Variants in TMTC4 observed in about 807,000 individuals in gnomAD.
TMTC4 encodes the protein transmembrane O-mannosyltransferase targeting cadherins 4, also known as protein O-mannosyl-transferase TMTC4.
In TMTC4, 65 loss-of-function variants were observed where a neutral mutation model predicts 86.0. The ratio of observed to expected loss-of-function variants is 0.76; its 90% CI spans 0.62 to 0.93. The LOEUF (loss-of-function observed/expected upper bound fraction) is 0.93, where lower values mean the gene tolerates loss of function less well. Ranked by LOEUF, TMTC4 falls within the 40% of genes least tolerant of loss-of-function variation. TMTC4 has a pLI of 0.00. For synonymous variants in TMTC4, 379 were observed against 382.5 expected, an observed-to-expected ratio of 0.99 and a Z score of 0.11; for missense variants, 866 against 948.1, an observed-to-expected ratio of 0.91 and a Z score of 1.14.
chr13:100,614,939 G>A (rs1398613610), intron 15 of TMTC4: 1 of 985,198 alleles, frequency 1.0e-6, no homozygotes, highest in Non-Finnish European at 1.2e-6. Flanking sequence ...CTTGTGAAGG[G>A]TGGTCTCAGG....
chr13:100,624,416 A>T (rs1206826448), intron 15 of TMTC4: 1 of 153,524 alleles, frequency 6.5e-6, no homozygotes, highest in African/African-American at 2.4e-5. Context: ...CACCGTGGCC[A>T]TGCCATTGGG....
At chr13:100,665,996 C>T (rs909253688) in intron 3 of TMTC4, 19 of 456,378 alleles carry the variant, frequency 4.2e-5, no homozygotes, top group Middle Eastern at 3.2e-4. Context: ...CAGAAGTACC[C>T]GGTCAGCTGT....
At chr13:100,622,085 C>A (rs1219078208) in intron 15 of TMTC4, among the ~76,000 whole-genome samples, 1 of 152,168 alleles carries the variant, frequency 6.6e-6, no homozygotes, top group Non-Finnish European at 1.5e-5. Context: ...AACATCAAAG[C>A]AGGTAACTAG....
intron 7 of TMTC4, among the ~76,000 whole-genome samples, chr13:100,639,078 A>G (rs1248648663): frequency 6.6e-6 from 1 of 152,194 alleles, no homozygotes; most frequent in African/African-American, 2.4e-5. Flanking sequence ...CTCCCTGCCC[A>G]ATCTGGATAA....
At chr13:100,654,590 A>AAT (rs1388468815) in intron 6 of TMTC4, among the ~76,000 whole-genome samples, 1 of 151,968 alleles carries the variant, frequency 6.6e-6, no homozygotes, top group Non-Finnish European at 1.5e-5. Context: ...ATATATATGT[A>AAT]ATATATATTA....
At chr13:100,627,422 G>A (rs545996004) in intron 12 of TMTC4, among the ~76,000 whole-genome samples, 49 of 152,264 alleles carry the variant, frequency 3.2e-4, no homozygotes, top group African/African-American at 1.2e-3. Flanking sequence ...GTGTGGGCAG[G>A]GCTGGTCCCA....
chr13:100,623,942 T>C (rs1879999293), intron 15 of TMTC4: 1 of 474,644 alleles, frequency 2.1e-6, no homozygotes. Context: ...AAGCTGTCTT[T>C]GGGGGTAGTA....
intron 15 of TMTC4, among the ~76,000 whole-genome samples, chr13:100,619,353 ACACACACAC>A (rs1879127395): frequency 1.3e-5 from 2 of 151,774 alleles, no homozygotes; most frequent in African/African-American, 2.4e-5. Flanking sequence ...ACACACACAC[ACACACACAC>A]ACACACACAC....
chr13:100,609,823 C>G (rs1044191434), intron 17 of TMTC4, among the ~76,000 whole-genome samples: 1 of 152,078 alleles, frequency 6.6e-6, no homozygotes, highest in Admixed American at 6.5e-5. Context: ...TATAGATGAA[C>G]AAACTGAGAC....
intron 15 of TMTC4, among the ~76,000 whole-genome samples, chr13:100,619,488 A>G (rs1312217211): frequency 2.6e-5 from 4 of 152,156 alleles, no homozygotes; most frequent in Non-Finnish European, 5.9e-5. Context: ...AATGATTACA[A>G]TTTATCAGAG....
At chr13:100,650,456 C>T (rs1437891329) in intron 6 of TMTC4, among the ~76,000 whole-genome samples, 1 of 152,232 alleles carries the variant, frequency 6.6e-6, no homozygotes, top group East Asian at 1.9e-4. Context: ...TCAGAAAAAG[C>T]ATCACGTTGT....
intron 6 of TMTC4, among the ~76,000 whole-genome samples, chr13:100,647,579 T>C (rs1292434342): frequency 1.3e-5 from 2 of 152,266 alleles, no homozygotes; most frequent in Admixed American, 1.3e-4. Flanking sequence ...TTTACATTTC[T>C]GCCTAGAAAA....
chr13:100,627,041 G>T (rs915289532), intron 12 of TMTC4, among the ~76,000 whole-genome samples: 2 of 152,174 alleles, frequency 1.3e-5, no homozygotes, highest in Non-Finnish European at 2.9e-5. Context: ...GAACCAGGAG[G>T]CAGGCCCTTA....
intron 6 of TMTC4, among the ~76,000 whole-genome samples, chr13:100,650,031 T>C (rs1489143365): frequency 6.6e-6 from 1 of 151,370 alleles, no homozygotes; most frequent in Non-Finnish European, 1.5e-5. Context: ...CTCCATCTCC[T>C]CTCCATCAAG....
intron 5 of TMTC4, among the ~76,000 whole-genome samples, chr13:100,659,767 G>A (rs1049171233): frequency 6.0e-5 from 9 of 150,682 alleles, no homozygotes; most frequent in African/African-American, 9.8e-5. Context: ...ACAAAACACC[G>A]ACTGCAATTA....
intron 1 of TMTC4, chr13:100,674,133 C>G (rs1887504347): frequency 1.0e-6 from 1 of 984,212 alleles, no homozygotes; most frequent in South Asian, 4.7e-5. Flanking sequence ...TCCCCAAACT[C>G]CGAGCCCACG....
At position 100,605,158 on chromosome 13, in the gene TMTC4, A is replaced by G; in HGVS notation, c.2135-16T>C. On this transcript the variant is annotated splice_polypyrimidine_tract_variant and intron_variant, in intron 18 of 18. Transcript: ENST00000342624. This position sits in a 1 kb window ranked among gnomAD's most constrained non-coding sequence, Gnocchi z 4.3. Reference sequence around the variant, plus strand: ...TAAAGCACAGCTGAAATAGCAGGAGATAAATTTCACTGGGAATGCTTCTGA... The same window carrying G: ...TAAAGCACAGCTGAAATAGCAGGAGGTAAATTTCACTGGGAATGCTTCTGA... 6.2e-7 allele frequency: 1 copy of G among 1,606,306 alleles called. No individual in the cohort carries two copies. The highest frequency in any genetic ancestry group is 8.5e-7 in the Non-Finnish European group (1 of 1,176,606).
In TMTC4 at chr13:100,642,033, C is replaced by G. The variant is rs1202440305; in HGVS notation, c.741+178G>C. Among the ~76,000 whole-genome samples the G allele has an allele frequency of 3.3e-5, 5 of 152,254 alleles. No homozygotes were observed. The East Asian group carries it at 7.7e-4, about 23-fold the overall frequency. On this transcript the variant is annotated intron_variant, in intron 7 of 18. Coordinates refer to ENST00000342624, the MANE Select transcript of TMTC4 (RefSeq NM_032813.5). ...TCAAGAAAGTCAGTCAATTCTCCAT[C>G]TGCAATGCCAGAATTGTGACAGCGA...
Position 100,637,616 on chromosome 13 carries a change from C to T in TMTC4, c.921G>A (p.Trp307Ter), listed in dbSNP as rs1176032687. 2 of 1,614,198 alleles carry T rather than the reference C, an allele frequency of 1.2e-6. No homozygotes were observed. Among genetic ancestry groups the T allele is most frequent in the South Asian group, 2.2e-5 (2 of 91,078 alleles). The change falls in exon 9 of 19, where the codon TGG (tryptophan) becomes TGA (stop). Residue 307 changes from tryptophan (W) to a stop codon, truncating the protein, a stop_gained. Coordinates refer to ENST00000342624, the MANE Select transcript of TMTC4 (RefSeq NM_032813.5). LOFTEE classifies it high-confidence loss of function. ...SGGAGMLYVRWRIMGTGPPAF... is the reference protein window; with the variant it reads ...SGGAGMLYVR ...CCGGCGGGCCCGTGCCCATGATCCT[C>T]CAGCGCACGTAGAGCATCCCAGCCC...
Sources: gnomAD v4.1 joint callset for allele counts (sites outside exome capture counted in the v4.1 genomes callset) on GRCh38, gnomAD v4.1.1 for gene constraint, Gnocchi (gnomAD v3.1) non-coding constraint, MANE v1.5 for transcripts, NCBI Gene and HGNC (gene_info 2026-07-23, HGNC 2026-07-21) for gene names.